FIP1L1: variants seen among roughly 807,000 people sequenced by gnomAD.
FIP1L1 encodes factor interacting with PAPOLA and CPSF1, also known as pre-mRNA 3'-end-processing factor FIP1.
FIP1L1 carries 21 observed loss-of-function variants against 84.6 expected under a neutral mutation model. The observed-to-expected ratio is 0.25, with a 90% CI of 0.18 to 0.36. The LOEUF (loss-of-function observed/expected upper bound fraction) is 0.36, where lower values mean the gene tolerates loss of function less well. Among genes scored for constraint, FIP1L1 ranks in the 10% least tolerant of loss-of-function variants. The probability of loss-of-function intolerance (pLI) is 1.00; values close to 1 mark genes in which losing one functional copy is unlikely to be tolerated. For synonymous variants in FIP1L1, 263 were observed against 242.3 expected (o/e 1.09, Z -0.80); for missense variants, 526 against 751.1 (o/e 0.70, Z 3.50).
At position 53,436,379 on chromosome 4, in the gene FIP1L1, T is replaced by A. The variant is rs553055516; in HGVS notation, c.1175-6274T>A. 2.0e-5 allele frequency among the ~76,000 whole-genome samples: 3 copies of A among 152,334 alleles called. No homozygotes were observed. The South Asian group carries it at 6.2e-4, about 32-fold the overall frequency. ...TTGTTAAAAGGATTTTGTTTTTTTC[T>A]AGGCTGTTGCATTGACAGGGCTTCA... On this transcript the variant is annotated intron_variant, in intron 13 of 17. Transcript: ENST00000337488.
chr4:53,396,446 G>A (rs1747380405), intron 9 of FIP1L1, among the ~76,000 whole-genome samples: 1 of 151,810 alleles, frequency 6.6e-6, no homozygotes, highest in Non-Finnish European at 1.5e-5. Context: ...CTGTCACCCA[G>A]GCTAGATAGA....
intron 10 of FIP1L1, among the ~76,000 whole-genome samples, chr4:53,402,320 A>G (rs571000160): frequency 4.5e-4 from 68 of 152,012 alleles, no homozygotes; most frequent in African/African-American, 1.5e-3. Flanking sequence ...TTGGAAGACT[A>G]TTTTCTTTCT....
chr4:53,432,518 G>A (rs1326843133), intron 13 of FIP1L1, among the ~76,000 whole-genome samples: 2 of 149,778 alleles, frequency 1.3e-5, no homozygotes, highest in African/African-American at 2.5e-5. Context: ...AGTTTCCATT[G>A]TATTAAGTTT....
intron 13 of FIP1L1, among the ~76,000 whole-genome samples, chr4:53,431,192 C>G (rs1285074567): frequency 3.9e-5 from 6 of 152,202 alleles, no homozygotes; most frequent in African/African-American, 1.4e-4. Flanking sequence ...GGCACTGGCT[C>G]TGAATAACAG....
chr4:53,389,849 G>C lies in FIP1L1; in HGVS notation c.373G>C (p.Gly125Arg). Residue 125 changes from glycine to arginine, a missense_variant, in exon 6 of 18, where the codon GGG (glycine) becomes CGG (arginine). Around this residue, in one of 6 missense-constraint regions of FIP1L1, gnomAD observed 169 missense variants for 206.9 expected, o/e 0.82. Coordinates refer to ENST00000337488, the MANE Select transcript of FIP1L1 (RefSeq NM_030917.4). ...ACCTGTAAATCTTAACATCAAGACAGGGGGAAGAGTTTATGGAACTACAGG... is the reference window on the plus strand; with the variant it reads ...ACCTGTAAATCTTAACATCAAGACACGGGGAAGAGTTTATGGAACTACAGG... ...TAPVNLNIKTGGRVYGTTGTK... is the reference protein window; with the variant it reads ...TAPVNLNIKTRGRVYGTTGTK... 6.2e-7 allele frequency: 1 copy of C among 1,601,434 alleles called. No homozygotes were observed. Among genetic ancestry groups the C allele is most frequent in the Non-Finnish European group, 8.5e-7 (1 of 1,175,886 alleles).
rs1766829550 is a variant in FIP1L1 at position 53,431,858 on chromosome 4, T to C, written c.1174+3675T>C. ...AGATAACTCTCATTTGAAGGACTTT[T>C]AATGTCAAATAGTTCACAGAAGAGG... is the stretch of plus-strand genomic sequence containing the variant. On this transcript the variant is annotated intron_variant, in intron 13 of 17. Transcript: ENST00000337488. 1.3e-5 allele frequency among the ~76,000 whole-genome samples: 2 copies of C among 152,184 alleles called. 1 individual carries two copies. The highest frequency in any genetic ancestry group is 4.1e-4 in the South Asian group (2 of 4,834).
rs1180234978 is a variant in FIP1L1 at position 53,410,080 on chromosome 4, C to T, written c.816-4535C>T. On this transcript the variant is annotated intron_variant, in intron 10 of 17. Transcript: ENST00000337488. ...AAATGCAGAAATCACCCGTCTTCTG[C>T]GTCGCTCACGCTGGGAGCTGTAGAC... Among the ~76,000 whole-genome samples, 6 of 152,208 alleles carry T rather than the reference C, an allele frequency of 3.9e-5. No homozygotes were observed. In the East Asian group the frequency reaches 5.8e-4, roughly 15 times the overall value.
At chr4:53,433,702 G>A (rs936599471) in intron 13 of FIP1L1, among the ~76,000 whole-genome samples, 1 of 152,084 alleles carries the variant, frequency 6.6e-6, no homozygotes, top group African/African-American at 2.4e-5. Flanking sequence ...CTGAGATATA[G>A]CCCAACTACT....
chr4:53,435,177 A>T (rs893981251), intron 13 of FIP1L1, among the ~76,000 whole-genome samples: 1 of 152,222 alleles, frequency 6.6e-6, no homozygotes, highest in Non-Finnish European at 1.5e-5. Context: ...AATTCAAAAC[A>T]GAGAGCAATG....
At chr4:53,442,986 C>T (rs1305561652) in intron 14 of FIP1L1, among the ~76,000 whole-genome samples, 4 of 152,024 alleles carry the variant, frequency 2.6e-5, no homozygotes, top group East Asian at 3.9e-4. Flanking sequence ...GTTAAAAACC[C>T]AGCAAGTCAG....
intron 15 of FIP1L1, among the ~76,000 whole-genome samples, chr4:53,450,035 G>GT (rs1327755701): frequency 6.6e-6 from 1 of 151,860 alleles, no homozygotes; most frequent in Non-Finnish European, 1.5e-5. Context: ...CCAACTTTCA[G>GT]TTTTTTTCCA....
At chr4:53,452,736 A>T (rs1468963426) in intron 15 of FIP1L1, among the ~76,000 whole-genome samples, 184 bp from the exon 16 acceptor site, 9 of 152,178 alleles carry the variant, frequency 5.9e-5, no homozygotes, top group Non-Finnish European at 1.3e-4. Context: ...GGGTCTTTAT[A>T]TGTTAGGTTT....
intron 10 of FIP1L1, among the ~76,000 whole-genome samples, chr4:53,410,328 T>C (rs1334190394): frequency 6.6e-6 from 1 of 152,214 alleles, no homozygotes; most frequent in Non-Finnish European, 1.5e-5. Context: ...TGTAGAATGG[T>C]CGTTGAGTTC....
At chr4:53,437,148 G>A (rs62325223) in intron 13 of FIP1L1, among the ~76,000 whole-genome samples, 198 of 151,792 alleles carry the variant, frequency 1.3e-3, no homozygotes, top group Non-Finnish European at 2.1e-3. Context: ...GCAACATAGC[G>A]AAACCCTGTC....
intron 6 of FIP1L1, among the ~76,000 whole-genome samples, chr4:53,390,077 T>A (rs1268883842): frequency 6.6e-6 from 1 of 152,084 alleles, no homozygotes; most frequent in Non-Finnish European, 1.5e-5. Context: ...TAGCTGGGAC[T>A]GCGGGCGTGC....
chr4:53,382,680 G>A (rs1560482783), intron 4 of FIP1L1, among the ~76,000 whole-genome samples: 1 of 152,176 alleles, frequency 6.6e-6, no homozygotes, highest in Non-Finnish European at 1.5e-5. Context: ...TTTTAACGTT[G>A]CTTTTTAATG....
At chr4:53,380,282 C>T (rs534002254) in intron 3 of FIP1L1, among the ~76,000 whole-genome samples, 5 of 152,260 alleles carry the variant, frequency 3.3e-5, no homozygotes, top group Admixed American at 6.5e-5. Context: ...ATCCATACAG[C>T]GGAATATTAT....
intron 10 of FIP1L1, among the ~76,000 whole-genome samples, chr4:53,410,230 A>G (rs1756466011): frequency 6.6e-6 from 1 of 152,176 alleles, no homozygotes; most frequent in African/African-American, 2.4e-5. Flanking sequence ...CTTCATGAGG[A>G]TGATTTTTTT....
At chr4:53,420,698 T>A (rs1560541890) in intron 11 of FIP1L1, among the ~76,000 whole-genome samples, 1 of 152,088 alleles carries the variant, frequency 6.6e-6, no homozygotes, top group Non-Finnish European at 1.5e-5. Context: ...CTTGTGCTTG[T>A]GGAAGTAAAA....
Sources: gnomAD v4.1 joint callset for allele counts (sites outside exome capture counted in the v4.1 genomes callset) on GRCh38, gnomAD v4.1.1 for gene constraint, gnomAD v4.1.1 regional missense constraint, MANE v1.5 for transcripts, NCBI Gene and HGNC (gene_info 2026-07-23, HGNC 2026-07-21) for gene names.